Variants in PDXDC1 observed in about 807,000 individuals in gnomAD.
The protein encoded by PDXDC1 is pyridoxal dependent decarboxylase domain containing 1.
A neutral mutation model predicts 100.1 loss-of-function variants in PDXDC1; 42 were observed. The ratio of observed to expected loss-of-function variants is 0.42; its 90% CI spans 0.33 to 0.54. The LOEUF is 0.54. Among genes scored for constraint, PDXDC1 ranks in the 20% least tolerant of loss-of-function variants. The probability of loss-of-function intolerance (pLI) is 0.10; values close to 1 mark genes in which losing one functional copy is unlikely to be tolerated. For missense variants in PDXDC1, 636 were observed against 979.2 expected, an observed-to-expected ratio of 0.65 and a Z score of 4.68; for synonymous variants, 260 against 371.7, an observed-to-expected ratio of 0.70 and a Z score of 3.46.
chr16:15,086,321 G>A, intron 16 of PDXDC1: 1 of 1,609,834 alleles, frequency 6.2e-7, no homozygotes, highest in African/African-American at 1.3e-5. Flanking sequence ...TATTACCAAA[G>A]TTCTGAATTA....
At chr16:15,074,576 C>T (rs1237955469) in intron 16 of PDXDC1, 1 of 496,390 alleles carries the variant, frequency 2.0e-6, no homozygotes, top group South Asian at 5.3e-5. Context: ...TGGCAAGTAA[C>T]TTGACCTCTT....
chr16:15,135,573 G>A, intron 16 of PDXDC1: 5 of 1,190,200 alleles, frequency 4.2e-6, no homozygotes, highest in Non-Finnish European at 4.9e-6. Context: ...CAGCCCTGGT[G>A]GCAAGCTGGG....
chr16:15,019,145 G>A (rs2041996801), intron 12 of PDXDC1, among the ~76,000 whole-genome samples, 180 bp downstream of exon 12: 1 of 152,266 alleles, frequency 6.6e-6, no homozygotes. Context: ...GAAAGTGCTG[G>A]GTTGTCTGTC....
At chr16:15,148,225 G>A in the PDXDC1 span, among the ~76,000 whole-genome samples, 9 of 151,914 alleles carry the variant, frequency 5.9e-5, no homozygotes, top group Admixed American at 3.3e-4. Flanking sequence ...CTAAAGTGCT[G>A]GGATTACAGG....
At chr16:15,124,846 C>G (rs2047617814) in intron 16 of PDXDC1, among the ~76,000 whole-genome samples, 2 of 149,750 alleles carry the variant, frequency 1.3e-5, no homozygotes, top group Admixed American at 1.3e-4. Context: ...TATGCTGCAG[C>G]CATGTTCCAG....
Position 15,004,235 on chromosome 16 carries a change from T to C in PDXDC1, c.291T>C (p.Ser97=). 6.2e-7 allele frequency: 1 copy of C among 1,614,178 alleles called. No homozygotes were observed. The highest frequency in any genetic ancestry group is 8.5e-7 in the Non-Finnish European group (1 of 1,179,998). ...EQGHMALLGH[S]LGAYISTLDK... is the part of the protein sequence containing the mutation. ...GTCATATGGCTTTGTTGGGACATAG[T>C]CTGGGAGCTTATATTTCAACTCTGG... Residue 97 remains serine, a synonymous_variant, in exon 5 of 23, where the codon AGT becomes AGC. Coordinates refer to ENST00000396410, the MANE Select transcript of PDXDC1 (RefSeq NM_015027.4).
At chr16:14,990,864 C>G (rs1315617111) in intron 1 of PDXDC1, among the ~76,000 whole-genome samples, 1 of 152,300 alleles carries the variant, frequency 6.6e-6, no homozygotes, top group East Asian at 1.9e-4. Flanking sequence ...CCTCAGCCTT[C>G]CGAGTACCTA....
intron 16 of PDXDC1, among the ~76,000 whole-genome samples, chr16:15,086,681 A>G (rs1365711850): frequency 6.6e-6 from 1 of 152,224 alleles, no homozygotes; most frequent in Non-Finnish European, 1.5e-5. Context: ...GAAAGACTTA[A>G]ATGCAATACT....
At chr16:15,063,082 G>A (rs1361784648) in intron 16 of PDXDC1, 1 of 811,784 alleles carries the variant, frequency 1.2e-6, no homozygotes, top group African/African-American at 1.7e-5. Context: ...CTCTGGCCTT[G>A]ACCCCCTAAA....
intron 2 of PDXDC1, 117 bp downstream of exon 2, chr16:14,997,943 C>G (rs1291112879): frequency 8.9e-7 from 1 of 1,124,428 alleles, no homozygotes; most frequent in African/African-American, 1.6e-5. Context: ...ACAGCTTTGG[C>G]TGACTTGAAA....
chr16:15,109,985 C>A (rs1402213354), intron 16 of PDXDC1, among the ~76,000 whole-genome samples: 11 of 145,950 alleles, frequency 7.5e-5, no homozygotes, highest in Non-Finnish European at 1.5e-4. Flanking sequence ...GAAACCCCAT[C>A]TCTAGTAAAA....
chr16:15,064,669 C>G (rs1240627885), intron 16 of PDXDC1, among the ~76,000 whole-genome samples: 2 of 152,212 alleles, frequency 1.3e-5, no homozygotes, highest in South Asian at 2.1e-4. Flanking sequence ...CCCTTGATGT[C>G]AGTCTGGCTC....
intron 1 of PDXDC1, among the ~76,000 whole-genome samples, chr16:14,978,641 T>C (rs1967251564): frequency 6.6e-6 from 1 of 152,292 alleles, no homozygotes; most frequent in East Asian, 1.9e-4. Context: ...GCCATCCTCT[T>C]GCCTTAGCCT....
At chr16:15,085,481 GA>G (rs896349103) in intron 16 of PDXDC1, among the ~76,000 whole-genome samples, 1 of 151,692 alleles carries the variant, frequency 6.6e-6, no homozygotes, top group Non-Finnish European at 1.5e-5. Context: ...GAAAATATTT[GA>G]AAAAAAATGT....
chr16:14,986,812 T>G (rs1969485432), intron 1 of PDXDC1, among the ~76,000 whole-genome samples: 1 of 152,286 alleles, frequency 6.6e-6, no homozygotes, highest in Non-Finnish European at 1.5e-5. Context: ...AGTGGCGCGT[T>G]CTTGGCTAAC....
intron 16 of PDXDC1, chr16:15,125,122 G>A (rs2047634221): frequency 2.2e-6 from 1 of 446,956 alleles, no homozygotes; most frequent in African/African-American, 2.1e-5. Flanking sequence ...ACTCCAGCCT[G>A]GGTGACAGAA....
intron 16 of PDXDC1, chr16:15,106,428 C>A (rs2046799923): frequency 3.3e-6 from 2 of 613,790 alleles, no homozygotes; most frequent in Non-Finnish European, 5.7e-6. Context: ...CACAATCTAT[C>A]TCTACCTAGA....
intron 16 of PDXDC1, chr16:15,091,459 A>T (rs865889268): frequency 3.7e-4 from 309 of 844,098 alleles, no homozygotes; most frequent in Admixed American, 1.7e-3. Flanking sequence ...TTAACATCAG[A>T]TGAAATTATA....
intron 16 of PDXDC1, among the ~76,000 whole-genome samples, chr16:15,065,638 AT>A (rs1310543100): frequency 6.6e-6 from 1 of 152,214 alleles, no homozygotes; most frequent in Non-Finnish European, 1.5e-5. Flanking sequence ...AGTAATAGAT[AT>A]TATTCATTAT....
Sources: allele counts gnomAD v4.1 joint callset (sites outside exome capture counted in the v4.1 genomes callset), GRCh38; gene constraint gnomAD v4.1.1; transcripts MANE v1.5; gene names NCBI Gene and HGNC (gene_info 2026-07-23, HGNC 2026-07-21).